Variants in DOCK5 observed in about 807,000 individuals in gnomAD.
DOCK5 encodes dedicator of cytokinesis protein 5.
Under a neutral mutation model 251.8 loss-of-function variants are expected in DOCK5, and 142 were observed. The observed-to-expected ratio is 0.56, with a 90% CI of 0.49 to 0.65. DOCK5 has a LOEUF of 0.65. Ranked by LOEUF, DOCK5 falls within the 30% of genes least tolerant of loss-of-function variation. The probability of loss-of-function intolerance (pLI) is 0.00; values close to 1 mark genes in which losing one functional copy is unlikely to be tolerated. For synonymous variants in DOCK5, 842 were observed against 835.5 expected, an observed-to-expected ratio of 1.01 and a Z score of -0.13; for missense variants, 2,111 against 2,312.3, an observed-to-expected ratio of 0.91 and a Z score of 1.79.
At chr8:25,237,701 A>G (rs922957212) in intron 1 of DOCK5, among the ~76,000 whole-genome samples, 1 of 152,244 alleles carries the variant, frequency 6.6e-6, no homozygotes, top group Non-Finnish European at 1.5e-5. Flanking sequence ...CAGCGAGGCA[A>G]CGTATGTACA....
At position 25,209,657 on chromosome 8, in the gene DOCK5, A is replaced by G. The variant is rs181225092; in HGVS notation, c.43+24706A>G. 2.1e-4 allele frequency among the ~76,000 whole-genome samples: 15 copies of G among 70,118 alleles called. 6 individuals carry two copies. The East Asian group carries it at 3.8e-3, about 18-fold the overall frequency. The allele number at this position is 70,118 out of a possible 152,430, so 46.0% of individuals were successfully genotyped here. ...AAGTTTAGAAATCTTTGGGGACTCA[A>G]GGATCCCAGCTTAAGAAGAAGTCTT... On this transcript the variant is annotated intron_variant, in intron 1 of 51. Transcript: ENST00000276440.
chr8:25,400,497 CA>C (rs4056277), intron 46 of DOCK5, among the ~76,000 whole-genome samples: 3 of 76,366 alleles, frequency 3.9e-5, no homozygotes, highest in African/African-American at 1.5e-4. Flanking sequence ...GACTCCATCT[CA>C]AAAAAAAAAA....
intron 39 of DOCK5, among the ~76,000 whole-genome samples, chr8:25,380,924 T>C (rs34740584): frequency 0.091 from 13,669 of 149,652 alleles, 875 homozygotes; most frequent in African/African-American, 0.19. Flanking sequence ...GGCAGCACCA[T>C]TCCAAATGCC....
At chr8:25,235,738 T>TATCTA (rs1019852649) in intron 1 of DOCK5, among the ~76,000 whole-genome samples, 10 of 152,158 alleles carry the variant, frequency 6.6e-5, no homozygotes, top group African/African-American at 2.4e-4. Context: ...TCAAGATATT[T>TATCTA]ATCTATTCCC....
At chr8:25,357,887 C>G (rs899321439) in intron 27 of DOCK5, among the ~76,000 whole-genome samples, 1 of 152,082 alleles carries the variant, frequency 6.6e-6, no homozygotes, top group Admixed American at 6.6e-5. Context: ...ATCTTTACTC[C>G]CTGTCTAAAA....
intron 5 of DOCK5, among the ~76,000 whole-genome samples, chr8:25,279,306 A>G (rs758751573): frequency 6.6e-6 from 1 of 152,166 alleles, no homozygotes; most frequent in Non-Finnish European, 1.5e-5. Context: ...TCCTCTCCGT[A>G]ATAAACAATA....
chr8:25,394,702 G>A (rs1801316779), intron 44 of DOCK5, among the ~76,000 whole-genome samples: 1 of 152,106 alleles, frequency 6.6e-6, no homozygotes, highest in African/African-American at 2.4e-5. Flanking sequence ...TCTTACTACA[G>A]GTCCAGTTCT....
At chr8:25,364,457 G>A (rs1474387708) in intron 29 of DOCK5, among the ~76,000 whole-genome samples, 169 bp from the exon 30 acceptor site, 1 of 152,136 alleles carries the variant, frequency 6.6e-6, no homozygotes, top group Non-Finnish European at 1.5e-5. Flanking sequence ...CTGACCTCCT[G>A]TGCCCCATCT....
intron 1 of DOCK5, among the ~76,000 whole-genome samples, chr8:25,200,431 T>C (rs946055849): frequency 1.3e-5 from 2 of 152,186 alleles, no homozygotes; most frequent in Admixed American, 6.5e-5. Flanking sequence ...ATATAGCCAT[T>C]AAAAAGATTC....
intron 37 of DOCK5, chr8:25,375,074 GT>G (rs1325861306): frequency 1.2e-6 from 1 of 825,296 alleles, no homozygotes; most frequent in Non-Finnish European, 1.5e-6. Flanking sequence ...ACATCTATAT[GT>G]TATGAATCCC....
At chr8:25,222,452 A>T (rs1010099718) in intron 1 of DOCK5, among the ~76,000 whole-genome samples, 4 of 152,190 alleles carry the variant, frequency 2.6e-5, no homozygotes, top group African/African-American at 9.6e-5. Flanking sequence ...CCCCTGACTC[A>T]GATGGTCCTT....
At chr8:25,376,292 T>A (rs1800962461) in intron 37 of DOCK5, 1 of 985,214 alleles carries the variant, frequency 1.0e-6, no homozygotes, top group African/African-American at 1.7e-5. Flanking sequence ...ATGCAGCTTT[T>A]TTTCCCCCCA....
intron 3 of DOCK5, 117 bp downstream of exon 3, chr8:25,269,002 T>C (rs1803837074): frequency 2.4e-6 from 2 of 834,736 alleles, no homozygotes; most frequent in South Asian, 1.7e-5. Flanking sequence ...TGCTTTCTCT[T>C]TGATGGCTCT....
At chr8:25,236,143 C>A (rs959714486) in intron 1 of DOCK5, among the ~76,000 whole-genome samples, 1 of 152,048 alleles carries the variant, frequency 6.6e-6, no homozygotes, top group Admixed American at 6.6e-5. Flanking sequence ...ATTATGAAAT[C>A]CTCTCTTCTC....
At chr8:25,345,357 A>G (rs1800341570) in intron 25 of DOCK5, 118 bp from the exon 26 acceptor site, 1 of 1,445,254 alleles carries the variant, frequency 6.9e-7, no homozygotes, top group Middle Eastern at 1.9e-4. Context: ...GCATCCCTGC[A>G]GGGCTGATTG....
At chr8:25,192,388 A>C (rs184754426) in intron 1 of DOCK5, among the ~76,000 whole-genome samples, 1 of 152,348 alleles carries the variant, frequency 6.6e-6, no homozygotes, top group African/African-American at 2.4e-5. Flanking sequence ...CAAAATATTT[A>C]ACCCATGTTG....
At chr8:25,302,586 G>A in intron 10 of DOCK5, 132 bp downstream of exon 10, 2 of 1,240,494 alleles carry the variant, frequency 1.6e-6, no homozygotes, top group South Asian at 3.4e-5. Flanking sequence ...TCAAAAGCAA[G>A]GTCTGGAGGA....
At chr8:25,373,242 C>T (rs1800906625) in intron 35 of DOCK5, among the ~76,000 whole-genome samples, 1 of 152,154 alleles carries the variant, frequency 6.6e-6, no homozygotes, top group African/African-American at 2.4e-5. Context: ...TCATGATCCA[C>T]ACGCCTCAGC....
At chr8:25,275,288 G>A in intron 3 of DOCK5, 98 bp from the exon 4 acceptor site, 2 of 954,784 alleles carry the variant, frequency 2.1e-6, no homozygotes, top group East Asian at 5.4e-5. Flanking sequence ...CTATTGCCTG[G>A]GTGTTCCCAT....
Sources: allele counts gnomAD v4.1 joint callset (sites outside exome capture counted in the v4.1 genomes callset), GRCh38; gene constraint gnomAD v4.1.1; transcripts MANE v1.5; gene names NCBI Gene and HGNC (gene_info 2026-07-23, HGNC 2026-07-21).